Variants in TMEM131L observed in about 807,000 individuals in gnomAD.
TMEM131L encodes the protein transmembrane 131 like, also known as transmembrane protein 131-like.
In TMEM131L, 54 loss-of-function variants were observed where a neutral mutation model predicts 192.2. The observed-to-expected ratio is 0.28, with a 90% confidence interval of 0.23 to 0.35. The LOEUF (loss-of-function observed/expected upper bound fraction) is 0.35. Among genes scored for constraint, TMEM131L ranks in the 10% least tolerant of loss-of-function variants. TMEM131L has a pLI of 1.00. For synonymous variants in TMEM131L, 701 were observed against 704.9 expected (o/e 0.99, Z 0.09); for missense variants, 1,888 against 1,972.9 (o/e 0.96, Z 0.82).
chr4:153,557,047 A>G lies in TMEM131L; in HGVS notation c.514A>G (p.Ile172Val), dbSNP rs1728517008. ...EEGSIESSLF[I>V]NTSSYGVLSY... Reference sequence around the variant, plus strand: ...AGGAAGCATTGAAAGTTCCTTATTTATTAATACCTCTTCGTATGGAGTCCT... The same window carrying G: ...AGGAAGCATTGAAAGTTCCTTATTTGTTAATACCTCTTCGTATGGAGTCCT... Residue 172 changes from isoleucine to valine, a missense_variant, in exon 6 of 35, where the codon ATT becomes GTT. Physicochemically the swap from Ile to Val is conservative, Grantham distance 29. Transcript: ENST00000409959. The G allele has an allele frequency of 1.9e-6, 3 of 1,562,376 alleles. No homozygotes were observed. Among genetic ancestry groups the G allele is most frequent in the Non-Finnish European group, 2.6e-6 (3 of 1,135,168 alleles).
intron 3 of TMEM131L, among the ~76,000 whole-genome samples, chr4:153,497,309 A>T (rs1408110670): frequency 2.0e-5 from 3 of 152,190 alleles, no homozygotes; most frequent in Admixed American, 6.5e-5. Context: ...GAGCTACTGA[A>T]TCAACCTTCC....
intron 11 of TMEM131L, among the ~76,000 whole-genome samples, chr4:153,584,283 C>T (rs142342379): frequency 9.1e-4 from 139 of 152,222 alleles, no homozygotes; most frequent in African/African-American, 3.3e-3. Flanking sequence ...CTGCCTCCTC[C>T]AAGATAATTG....
intron 3 of TMEM131L, among the ~76,000 whole-genome samples, chr4:153,543,390 GA>G (rs1736939412): frequency 6.6e-6 from 1 of 152,184 alleles, no homozygotes; most frequent in Non-Finnish European, 1.5e-5. Context: ...CTTGTACTAA[GA>G]TCATGATGTA....
In TMEM131L at chr4:153,604,200, A is replaced by C; in HGVS notation, c.3188A>C (p.Asn1063Thr). ...AATAAAGAAGAAAACACACTGAAAA[A>C]CACAATTGTTTTCAGTAATCCTTCT... ...LLNKEENTLK[N>T]TIVFSNPSSE... Residue 1063 changes from asparagine (N) to threonine (T), a missense_variant, in exon 25 of 35, where the codon AAC (asparagine) becomes ACC (threonine). Asn to Thr is a moderately conservative substitution (Grantham distance 65). Transcript: ENST00000409959. 6.2e-7 allele frequency: 1 copy of C among 1,614,108 alleles called. No individual in the cohort carries two copies. Among genetic ancestry groups the C allele is most frequent in the Non-Finnish European group, 8.5e-7 (1 of 1,179,970 alleles).
chr4:153,535,706 A>T lies in TMEM131L; in HGVS notation c.240-14367A>T, dbSNP rs552314564. 5.9e-5 allele frequency among the ~76,000 whole-genome samples: 9 copies of T among 152,340 alleles called. No individual in the cohort carries two copies. In the South Asian group the frequency reaches 1.9e-3, roughly 32 times the overall value. ...TATTGCTCTTGAGTTTTCAAAAAGC[A>T]CATCGTTCTGAACATCTTTAATATT... On this transcript the variant is annotated intron_variant, in intron 3 of 34. Transcript: ENST00000409959.
At chr4:153,496,976 T>G (rs1733219143) in intron 3 of TMEM131L, among the ~76,000 whole-genome samples, 2 of 152,168 alleles carry the variant, frequency 1.3e-5, no homozygotes, top group South Asian at 4.2e-4. Flanking sequence ...TCCTCCCACC[T>G]CAGCCTCCCT....
At chr4:153,520,103 G>C (rs1735004911) in intron 3 of TMEM131L, among the ~76,000 whole-genome samples, 1 of 152,062 alleles carries the variant, frequency 6.6e-6, no homozygotes, top group Non-Finnish European at 1.5e-5. Flanking sequence ...AACAAACACG[G>C]TCCATCTTTC....
chr4:153,499,219 G>A (rs1413261962), intron 3 of TMEM131L, among the ~76,000 whole-genome samples: 2 of 152,214 alleles, frequency 1.3e-5, no homozygotes, highest in African/African-American at 2.4e-5. Context: ...GTTCTGGGCA[G>A]TCGCCTCCCT....
chr4:153,505,132 A>T (rs1733902510), intron 3 of TMEM131L, among the ~76,000 whole-genome samples: 1 of 139,894 alleles, frequency 7.1e-6, no homozygotes, highest in African/African-American at 2.7e-5. Context: ...TTTGAGATGG[A>T]GTCTCGCTCT....
At chr4:153,594,775 T>G (rs577536360) in intron 19 of TMEM131L, among the ~76,000 whole-genome samples, 2 of 152,234 alleles carry the variant, frequency 1.3e-5, no homozygotes, top group South Asian at 4.1e-4. Flanking sequence ...CTGGGCGAGT[T>G]GGGGGGAGTG....
intron 7 of TMEM131L, among the ~76,000 whole-genome samples, chr4:153,570,205 A>G (rs1432932894): frequency 6.6e-6 from 1 of 152,196 alleles, no homozygotes; most frequent in Non-Finnish European, 1.5e-5. Flanking sequence ...ACGCACAAGA[A>G]TAACAGATTA....
chr4:153,508,561 C>A (rs79779640), intron 3 of TMEM131L, among the ~76,000 whole-genome samples: 2,307 of 152,264 alleles, frequency 0.015, 68 homozygotes, highest in African/African-American at 0.053. Flanking sequence ...ACCCTTTATT[C>A]TCACATCTGT....
At chr4:153,500,179 C>A (rs1388833590) in intron 3 of TMEM131L, among the ~76,000 whole-genome samples, 1 of 152,098 alleles carries the variant, frequency 6.6e-6, no homozygotes, top group Non-Finnish European at 1.5e-5. Flanking sequence ...TGGCTCACTG[C>A]AGCCTCAAAC....
intron 3 of TMEM131L, among the ~76,000 whole-genome samples, chr4:153,530,814 G>A (rs1369764716): frequency 2.0e-5 from 3 of 152,104 alleles, no homozygotes; most frequent in Non-Finnish European, 4.4e-5. Flanking sequence ...AGCTTCCTGA[G>A]GCCCCCCCAC....
chr4:153,621,331 C>T (rs953606434), intron 27 of TMEM131L, among the ~76,000 whole-genome samples: 1 of 152,102 alleles, frequency 6.6e-6, no homozygotes, highest in African/African-American at 2.4e-5. Context: ...TCAGGTCACC[C>T]TTGCTTCAGT....
At chr4:153,607,558 A>T (rs753968381) in intron 25 of TMEM131L, among the ~76,000 whole-genome samples, 1 of 152,218 alleles carries the variant, frequency 6.6e-6, no homozygotes, top group Non-Finnish European at 1.5e-5. Flanking sequence ...CCCAAAGTAT[A>T]CAAATGGTCT....
At chr4:153,487,532 G>A (rs960947311) in intron 3 of TMEM131L, among the ~76,000 whole-genome samples, 1 of 152,162 alleles carries the variant, frequency 6.6e-6, no homozygotes, top group Non-Finnish European at 1.5e-5. Context: ...GGAACCTTCT[G>A]AGGGAGAATT....
intron 19 of TMEM131L, among the ~76,000 whole-genome samples, chr4:153,594,401 T>A (rs898535434): frequency 6.6e-6 from 1 of 152,102 alleles, no homozygotes; most frequent in Non-Finnish European, 1.5e-5. Context: ...ACATGTCATG[T>A]GGTGAAGATG....
At chr4:153,569,614 TG>T (rs777833659) in intron 7 of TMEM131L, among the ~76,000 whole-genome samples, 2 of 152,066 alleles carry the variant, frequency 1.3e-5, no homozygotes, top group Non-Finnish European at 2.9e-5. Flanking sequence ...AATAAGAGGG[TG>T]AATTCCAAAC....
Sources: gnomAD v4.1 joint callset for allele counts (sites outside exome capture counted in the v4.1 genomes callset) on GRCh38, gnomAD v4.1.1 for gene constraint, MANE v1.5 for transcripts, NCBI Gene and HGNC (gene_info 2026-07-23, HGNC 2026-07-21) for gene names.